The following PAFAH1B1 variants were observed in gnomAD, a reference collection of about 807,000 sequenced individuals.
PAFAH1B1 encodes the protein platelet-activating factor acetylhydrolase IB subunit beta.
In PAFAH1B1, 2 loss-of-function variants were observed where a neutral mutation model predicts 57.5. The ratio of observed to expected loss-of-function variants is 0.03; its 90% CI spans 0.01 to 0.11. The LOEUF (loss-of-function observed/expected upper bound fraction) is 0.11. PAFAH1B1 is among the 10% of genes least tolerant of loss of function. The pLI is 1.00. For synonymous variants in PAFAH1B1, 152 were observed against 169.6 expected (o/e 0.90, Z 0.81); for missense variants, 257 against 512.0 (o/e 0.50, Z 4.81).
chr17:2,653,385 G>C (rs1279053948), intron 2 of PAFAH1B1, among the ~76,000 whole-genome samples: 1 of 151,526 alleles, frequency 6.6e-6, no homozygotes, highest in Non-Finnish European at 1.5e-5. Context: ...AAACCTGCAC[G>C]TTGTGCACAT....
chr17:2,652,169 G>A (rs1458607470), intron 2 of PAFAH1B1, among the ~76,000 whole-genome samples: 2 of 151,894 alleles, frequency 1.3e-5, no homozygotes, highest in East Asian at 3.9e-4. Flanking sequence ...CCCACACTTT[G>A]GGAGGCCAAG....
intron 7 of PAFAH1B1, among the ~76,000 whole-genome samples, chr17:2,673,404 CAG>C (rs1045571833): frequency 1.3e-5 from 2 of 152,214 alleles, no homozygotes; most frequent in Middle Eastern, 3.4e-3. Flanking sequence ...CTTTGGGAGG[CAG>C]AGGCGGGCGG....
In PAFAH1B1 at chr17:2,664,252, T is replaced by C. The variant is rs575134469; in HGVS notation, c.33-1120T>C. Among the ~76,000 whole-genome samples the C allele has an allele frequency of 2.6e-5, 4 of 152,294 alleles. No homozygotes were observed. The South Asian group carries it at 8.3e-4, about 32-fold the overall frequency. ...AATACTACTGGAGTGTGTTTTGTTT[T>C]GTATTTTGAGACGTAGTTTCGCTGT... is the stretch of plus-strand genomic sequence containing the variant. On this transcript the variant is annotated intron_variant, in intron 2 of 10. Transcript: ENST00000397195.
chr17:2,642,409 A>G (rs1395872465), intron 2 of PAFAH1B1: 1 of 152,206 alleles, frequency 6.6e-6, no homozygotes, highest in African/African-American at 2.4e-5. Context: ...GAACTTGGGG[A>G]TAAGTGTTCA....
At chr17:2,665,949 G>A in intron 3 of PAFAH1B1, 67 bp from the exon 4 acceptor site, 1 of 1,331,054 alleles carries the variant, frequency 7.5e-7, no homozygotes, top group South Asian at 1.4e-5. Flanking sequence ...ACTTAAAGAT[G>A]AATGATCTTT....
chr17:2,652,187 A>G (rs58616602), intron 2 of PAFAH1B1, among the ~76,000 whole-genome samples: 3,961 of 147,596 alleles, frequency 0.027, 167 homozygotes, highest in African/African-American at 0.093. Flanking sequence ...AAGGCGGGCA[A>G]ATCACGAGGT....
intron 2 of PAFAH1B1, among the ~76,000 whole-genome samples, chr17:2,656,546 C>G (rs907736397): frequency 2.0e-5 from 3 of 152,004 alleles, no homozygotes; most frequent in Non-Finnish European, 4.4e-5. Context: ...TTGACCTATC[C>G]TAATTCTAAA....
At position 2,649,709 on chromosome 17, in the gene PAFAH1B1, C is replaced by A. The variant is rs185728202; in HGVS notation, c.32+11389C>A. ...TAATAAAATTAAATGCAATCCCAAT[C>A]AAAATTCAAACTAAATTTCTCATTA... On this transcript the variant is annotated intron_variant, in intron 2 of 10. Transcript: ENST00000397195. 5.6e-4 allele frequency among the ~76,000 whole-genome samples: 85 copies of A among 152,266 alleles called. 1 individual carries two copies. The Middle Eastern group carries it at 0.017, about 30-fold the overall frequency.
chr17:2,614,268 T>G lies in PAFAH1B1; in HGVS notation c.-191+20262T>G, dbSNP rs187162590. ...ATCTCAAACTCCTGAGCTCAAGGGA[T>G]CCTCATGCCTCAGCCTCCCAAAGTG... On this transcript the variant is annotated intron_variant, in intron 1 of 10. Coordinates refer to ENST00000397195, the MANE Select transcript of PAFAH1B1 (RefSeq NM_000430.4). Among the ~76,000 whole-genome samples, 823 of 152,170 alleles carry G rather than the reference T, an allele frequency of 5.4e-3. 6 individuals are homozygous for G. Among genetic ancestry groups the G allele is most frequent in the South Asian group, 0.016 (79 of 4,816 alleles).
In PAFAH1B1 at chr17:2,669,848, G is replaced by A. The variant is rs374997065; in HGVS notation, c.400-315G>A. On this transcript the variant is annotated intron_variant, in intron 5 of 10. Transcript: ENST00000397195. ...TCCCCTTAAGTTTCCTTATTTACATGTCATTCCTGCTCTGAGACAGGGAGC... is the reference window on the plus strand; with the variant it reads ...TCCCCTTAAGTTTCCTTATTTACATATCATTCCTGCTCTGAGACAGGGAGC... Among the ~76,000 whole-genome samples, 52 of 148,442 alleles carry A rather than the reference G, an allele frequency of 3.5e-4. 1 individual carries two copies. The East Asian group carries it at 3.6e-3, about 10-fold the overall frequency.
chr17:2,650,803 C>G (rs1194458177), intron 2 of PAFAH1B1, among the ~76,000 whole-genome samples: 1 of 151,924 alleles, frequency 6.6e-6, no homozygotes, highest in Non-Finnish European at 1.5e-5. Context: ...CTGTGAAGTG[C>G]CTGTTCGGGG....
At chr17:2,664,678 CTCTCTCTCTCTCTCTT>C (rs1007371517) in intron 2 of PAFAH1B1, among the ~76,000 whole-genome samples, 4 of 118,552 alleles carry the variant, frequency 3.4e-5, no homozygotes, top group African/African-American at 5.6e-5. Context: ...CTCTCTCTCT[CTCTCTCTCTCTCTCTT>C]TCTCTCTCCA....
At chr17:2,652,507 G>C (rs898667642) in intron 2 of PAFAH1B1, among the ~76,000 whole-genome samples, 7 of 152,148 alleles carry the variant, frequency 4.6e-5, no homozygotes, top group African/African-American at 1.7e-4. Flanking sequence ...TTACTTTATT[G>C]CTTTAAAAAA....
chr17:2,643,167 A>G (rs2068719468), intron 2 of PAFAH1B1, among the ~76,000 whole-genome samples: 1 of 151,570 alleles, frequency 6.6e-6, no homozygotes, highest in Non-Finnish European at 1.5e-5. Flanking sequence ...ATCATGGCTC[A>G]CTGCAGCCTT....
intron 1 of PAFAH1B1, among the ~76,000 whole-genome samples, chr17:2,602,667 A>G (rs2068158705): frequency 6.6e-6 from 1 of 152,218 alleles, no homozygotes. Flanking sequence ...CCAGTCATCT[A>G]TCTAAAATGC....
chr17:2,636,431 T>C (rs1034393770), intron 1 of PAFAH1B1, among the ~76,000 whole-genome samples: 5 of 152,240 alleles, frequency 3.3e-5, no homozygotes, highest in Non-Finnish European at 1.5e-5. Context: ...TGTCACTTTT[T>C]CACTCAGGGC....
rs187569529 is a variant in PAFAH1B1, at chr17:2,651,149, C to T, written c.32+12829C>T. ...TTTTTCTGAGTCATTATCCACATGC[C>T]GAAACATTTATTGAATAGCCCTTTC... On this transcript the variant is annotated intron_variant, in intron 2 of 10. Coordinates refer to ENST00000397195, the MANE Select transcript of PAFAH1B1 (RefSeq NM_000430.4). Among the ~76,000 whole-genome samples the T allele has an allele frequency of 4.1e-3, 622 of 152,080 alleles. 6 individuals carry two copies. The highest frequency in any genetic ancestry group is 5.8e-3 in the Non-Finnish European group (396 of 67,996).
intron 1 of PAFAH1B1, among the ~76,000 whole-genome samples, chr17:2,617,068 G>A (rs766946561): frequency 1.6e-4 from 25 of 151,902 alleles, no homozygotes; most frequent in Non-Finnish European, 2.9e-4. Context: ...ACGAGACTCC[G>A]TCTCAAAAAA....
At chr17:2,623,568 G>GT (rs1463212466) in intron 1 of PAFAH1B1, among the ~76,000 whole-genome samples, 48 of 143,668 alleles carry the variant, frequency 3.3e-4, no homozygotes, top group East Asian at 1.3e-3. Flanking sequence ...AAAAAATGTT[G>GT]TTTTTTTTTC....
Sources: gnomAD v4.1 joint callset for allele counts (sites outside exome capture counted in the v4.1 genomes callset) on GRCh38, gnomAD v4.1.1 for gene constraint, MANE v1.5 for transcripts, NCBI Gene and HGNC (gene_info 2026-07-23, HGNC 2026-07-21) for gene names.